TENT5D: variants seen among roughly 807,000 people sequenced by gnomAD.
TENT5D encodes terminal nucleotidyltransferase 5D, also known as cancer/testis antigen 112.
For missense variants in TENT5D, 191 were observed against 287.0 expected (o/e 0.67, Z 2.42); for synonymous variants, 103 against 100.6 (o/e 1.02, Z -0.15).
chrX:80,398,544 T>TA (rs753558602), intron 3 of TENT5D, among the ~76,000 whole-genome samples: 135 of 111,441 alleles, frequency 1.2e-3, no homozygotes, highest in Non-Finnish European at 2.1e-3. Context: ...TTTCAGGACT[T>TA]ACATTTATGT....
intron 3 of TENT5D, among the ~76,000 whole-genome samples, chrX:80,390,623 A>G (rs375949216): frequency 9.0e-6 from 1 of 111,676 alleles, no homozygotes; most frequent in African/African-American, 3.3e-5. Context: ...TGTAGATCTA[A>G]TGGGAACATA....
chrX:80,391,572 G>A (rs1483816954), intron 3 of TENT5D, among the ~76,000 whole-genome samples: 1 of 111,633 alleles, frequency 9.0e-6, no homozygotes, highest in African/African-American at 3.3e-5. Context: ...TCTGGTGTAT[G>A]TACCTTAACC....
chrX:80,357,854 C>A (rs1930319874), intron 3 of TENT5D, among the ~76,000 whole-genome samples: 1 of 111,477 alleles, frequency 9.0e-6, no homozygotes, highest in Non-Finnish European at 1.9e-5. Flanking sequence ...CCTGCATTGC[C>A]AAGTCAATTC....
chrX:80,408,422 A>G (rs1226235790), intron 3 of TENT5D, among the ~76,000 whole-genome samples: 1 of 110,747 alleles, frequency 9.0e-6, no homozygotes, highest in Non-Finnish European at 1.9e-5. Context: ...GGATATCACC[A>G]CAGATCCCAC....
intron 3 of TENT5D, among the ~76,000 whole-genome samples, chrX:80,380,228 T>C (rs1020350563): frequency 1.8e-5 from 2 of 110,292 alleles, no homozygotes; most frequent in Non-Finnish European, 3.8e-5. Flanking sequence ...CCAGTAGTCA[T>C]TCAGGAGCAG....
chrX:80,429,425 C>T lies in TENT5D; in HGVS notation c.-142+8862C>T, dbSNP rs763267694. Among the ~76,000 whole-genome samples the T allele has an allele frequency of 9.1e-5, 10 of 110,449 alleles. 1 individual carries two copies. In the South Asian group the frequency reaches 3.9e-3, roughly 43 times the overall value. ...TCAAGCAATTCTCCTGTCTCAGCCT[C>T]CCGAGTAGCTGGGATTACAGGTCCC... On this transcript the variant is annotated intron_variant, in intron 1 of 2. Transcript: ENST00000308293.
At chrX:80,392,908 T>C (rs1931164618) in intron 3 of TENT5D, among the ~76,000 whole-genome samples, 1 of 111,632 alleles carries the variant, frequency 9.0e-6, no homozygotes, top group Admixed American at 9.5e-5. Context: ...ATTTACATGA[T>C]AAAAACTCTT....
At chrX:80,430,562 A>G (rs2147564962) in intron 1 of TENT5D, among the ~76,000 whole-genome samples, 1 of 111,854 alleles carries the variant, frequency 8.9e-6, no homozygotes, top group East Asian at 2.8e-4. Context: ...AGGCAAAGAA[A>G]GCTTGTACAT....
At chrX:80,429,161 C>T (rs1372242606) in intron 1 of TENT5D, among the ~76,000 whole-genome samples, 1 of 111,478 alleles carries the variant, frequency 9.0e-6, no homozygotes, top group Non-Finnish European at 1.9e-5. Flanking sequence ...GACATTCTGC[C>T]TTTTAGTGGT....
Position 80,411,099 on chromosome X carries a change from T to A in TENT5D, c.-141-27511T>A, listed in dbSNP as rs1321532685. Among the ~76,000 whole-genome samples the A allele has an allele frequency of 1.8e-4, 8 of 43,614 alleles. No homozygotes were observed. The Admixed American group carries it at 2.6e-3, about 14-fold the overall frequency. 37.9% of individuals were successfully genotyped at this position (43,614 alleles called of 115,157 possible). On this transcript the variant is annotated intron_variant, in intron 3 of 4. Transcript: ENST00000538312. ...TCACACTCTGGGGACTGTTGTGGGG[T>A]GGGGGGAGGGGGGAGGGATAGCATT...
At chrX:80,432,166 C>T (rs1387121572) in intron 1 of TENT5D, among the ~76,000 whole-genome samples, 2 of 109,895 alleles carry the variant, frequency 1.8e-5, no homozygotes, top group Non-Finnish European at 3.8e-5. Context: ...ATGATAGTTG[C>T]AAAAAACAAA....
intron 3 of TENT5D, among the ~76,000 whole-genome samples, chrX:80,368,048 T>G (rs1408771791): frequency 8.9e-6 from 1 of 111,957 alleles, no homozygotes; most frequent in African/African-American, 3.2e-5. Flanking sequence ...GATATCCCAT[T>G]TATCATGTGA....
At chrX:80,404,523 G>C (rs1472620604) in intron 3 of TENT5D, among the ~76,000 whole-genome samples, 11 of 111,753 alleles carry the variant, frequency 9.8e-5, no homozygotes, top group African/African-American at 3.6e-4. Context: ...GATATTAATG[G>C]TTAATTTCTA....
intron 3 of TENT5D, among the ~76,000 whole-genome samples, chrX:80,391,441 T>C (rs1931125936): frequency 1.8e-5 from 2 of 112,481 alleles, no homozygotes; most frequent in South Asian, 7.2e-4. Context: ...TTAAACATTA[T>C]TCATTCTGAA....
At chrX:80,435,012 T>C (rs1008709363) in intron 1 of TENT5D, among the ~76,000 whole-genome samples, 1 of 110,297 alleles carries the variant, frequency 9.1e-6, no homozygotes, top group Non-Finnish European at 1.9e-5. Context: ...CTCGATCTCC[T>C]GACCTCATGA....
intron 3 of TENT5D, among the ~76,000 whole-genome samples, chrX:80,392,294 T>TTAATTAGC: frequency 9.1e-6 from 1 of 109,667 alleles, no homozygotes; most frequent in Admixed American, 9.8e-5. Context: ...AGGATTTAGG[T>TTAATTAGC]TAATTAGCTC....
intron 3 of TENT5D, among the ~76,000 whole-genome samples, chrX:80,345,946 A>G (rs1930050220): frequency 8.9e-6 from 1 of 111,772 alleles, no homozygotes; most frequent in African/African-American, 3.2e-5. Flanking sequence ...TTGCCTTTTT[A>G]CGTCCTCCCT....
Position 80,411,092 on chromosome X carries a change from T to G in TENT5D, c.-141-27518T>G, listed in dbSNP as rs1230255095. Among the ~76,000 whole-genome samples the G allele has an allele frequency of 1.1e-4, 7 of 62,608 alleles. No homozygotes were observed. In the Admixed American group the frequency reaches 1.6e-3, roughly 15 times the overall value. The allele number at this position is 62,608 out of a possible 115,157, so 54.4% of individuals were successfully genotyped here. On this transcript the variant is annotated intron_variant, in intron 3 of 4. Coordinates refer to the TENT5D transcript ENST00000538312. ...GGGAACATCACACTCTGGGGACTGT[T>G]GTGGGGTGGGGGGAGGGGGGAGGGA... is the stretch of plus-strand genomic sequence containing the variant.
At chrX:80,361,330 C>T (rs571660208) in intron 3 of TENT5D, among the ~76,000 whole-genome samples, 5 of 111,674 alleles carry the variant, frequency 4.5e-5, no homozygotes, top group African/African-American at 9.7e-5. Flanking sequence ...ATGTTATGAC[C>T]GGAGGTTCAA....
Sources: gnomAD v4.1 joint callset for allele counts (sites outside exome capture counted in the v4.1 genomes callset) on GRCh38, gnomAD v4.1.1 for gene constraint, MANE v1.5 for transcripts, NCBI Gene and HGNC (gene_info 2026-07-23, HGNC 2026-07-21) for gene names.